GPC3: variants seen among roughly 807,000 people sequenced by gnomAD.
GPC3 encodes the protein glypican-3.
Under a neutral mutation model 34.4 loss-of-function variants are expected in GPC3, and 3 were observed. That is an observed-to-expected ratio of 0.09 (90% CI 0.04 to 0.23). GPC3 has a LOEUF of 0.23. Among genes scored for constraint, GPC3 ranks in the 10% least tolerant of loss-of-function variants. The pLI is 1.00. For synonymous variants in GPC3, 177 were observed against 174.0 expected (o/e 1.02, Z -0.13); for missense variants, 351 against 445.6 (o/e 0.79, Z 1.91).
chrX:133,949,071 A>G (rs1416185634), intron 2 of GPC3, among the ~76,000 whole-genome samples: 2 of 112,267 alleles, frequency 1.8e-5, no homozygotes, highest in African/African-American at 3.2e-5. Context: ...TTTGCAGATA[A>G]GAAAACTGAG....
intron 2 of GPC3, among the ~76,000 whole-genome samples, chrX:133,860,048 C>G (rs1207636181): frequency 3.6e-5 from 4 of 111,150 alleles, no homozygotes; most frequent in African/African-American, 1.3e-4. Context: ...TTGAGGACAG[C>G]ACCAAGCCTG....
intron 3 of GPC3, among the ~76,000 whole-genome samples, chrX:133,715,138 G>T (rs986465955): frequency 1.8e-5 from 2 of 111,979 alleles, no homozygotes; most frequent in Non-Finnish European, 3.8e-5. Flanking sequence ...AATAAAGCAG[G>T]CAGAAGAATG....
At chrX:133,550,009 CTGTT>C (rs2069421456) in intron 7 of GPC3, among the ~76,000 whole-genome samples, 1 of 107,807 alleles carries the variant, frequency 9.3e-6, no homozygotes, top group South Asian at 4.2e-4. Context: ...TTGTATCTTT[CTGTT>C]TGTTTGTTTT....
chrX:133,691,601 TTTCCCTCCCTTTTC>T (rs757327028), intron 5 of GPC3, among the ~76,000 whole-genome samples: 22 of 111,882 alleles, frequency 2.0e-4, no homozygotes, highest in Admixed American at 1.7e-3. Flanking sequence ...GGTATTCCTC[TTTCCCTCCCTTTTC>T]TTCCTTTCTC....
intron 3 of GPC3, among the ~76,000 whole-genome samples, chrX:133,749,895 C>T (rs758262270): frequency 2.7e-5 from 3 of 111,347 alleles, no homozygotes; most frequent in African/African-American, 9.8e-5. Context: ...GACTCCCCCT[C>T]GCCCTCATAA....
Position 133,700,434 on chromosome X carries a change from G to T in GPC3, c.1033-406C>A, listed in dbSNP as rs371309284. On this transcript the variant is annotated intron_variant, in intron 3 of 7. Transcript: ENST00000370818. ...TGGTGCAGAAGATGGGGGTTGTGTA[G>T]TCAGTTAATAGAAGACCAGCCTCCC... Among the ~76,000 whole-genome samples the T allele has an allele frequency of 2.7e-5, 3 of 111,770 alleles. No individual in the cohort carries two copies. In the Admixed American group the frequency reaches 2.9e-4, roughly 11 times the overall value.
chrX:133,843,164 C>A (rs984669472), intron 2 of GPC3, among the ~76,000 whole-genome samples: 1 of 111,486 alleles, frequency 9.0e-6, no homozygotes, highest in Non-Finnish European at 1.9e-5. Flanking sequence ...GCAGCCCCAG[C>A]CAACATTAGA....
chrX:133,637,711 C>G (rs1356697953), intron 6 of GPC3, among the ~76,000 whole-genome samples: 1 of 111,381 alleles, frequency 9.0e-6, no homozygotes, highest in African/African-American at 3.3e-5. Flanking sequence ...GGCTTGATCA[C>G]GGCTCACTGC....
At chrX:133,555,283 T>C (rs1244098418) in intron 7 of GPC3, among the ~76,000 whole-genome samples, 1 of 112,793 alleles carries the variant, frequency 8.9e-6, no homozygotes, top group African/African-American at 3.2e-5. Context: ...CCTACTTCTC[T>C]GATCATTCTC....
chrX:133,739,383 T>G (rs1466537372), intron 3 of GPC3, among the ~76,000 whole-genome samples: 1 of 112,312 alleles, frequency 8.9e-6, no homozygotes, highest in Non-Finnish European at 1.9e-5. Context: ...AAATAGATCA[T>G]GTTACATGTC....
rs191749126 is a variant in GPC3 at position 133,867,621 on chromosome X, C to T, written c.337+85429G>A. Among the ~76,000 whole-genome samples, 554 of 108,905 alleles carry T rather than the reference C, an allele frequency of 5.1e-3. 2 individuals are homozygous for T. Among genetic ancestry groups the T allele is most frequent in the Non-Finnish European group, 8.2e-3 (431 of 52,539 alleles). 94.6% of individuals were successfully genotyped at this position (108,905 alleles called of 115,157 possible). A position where few individuals can be genotyped will look rare whatever the true frequency, so the allele number is the denominator to read the frequency against. On this transcript the variant is annotated intron_variant, in intron 2 of 7. Transcript: ENST00000370818. The stretch of plus-strand genomic sequence containing the variant: ...CAGGGAAATACTGGGTCGGAGAGGC[C>T]GGTTCCCTGGCAAAGGCCCCATCTT...
intron 2 of GPC3, among the ~76,000 whole-genome samples, chrX:133,890,568 A>G (rs2076081990): frequency 9.1e-6 from 1 of 110,296 alleles, no homozygotes; most frequent in Non-Finnish European, 1.9e-5. Flanking sequence ...AAATAAAAAT[A>G]AAAAAAAGGT....
chrX:133,926,805 G>A (rs1209947078), intron 2 of GPC3, among the ~76,000 whole-genome samples: 2 of 49,974 alleles, frequency 4.0e-5, no homozygotes, highest in Middle Eastern at 0.014. Flanking sequence ...CCACCGCCCC[G>A]GCAAATCGGC....
chrX:133,833,429 T>C (rs2075785417), intron 2 of GPC3, among the ~76,000 whole-genome samples: 1 of 111,828 alleles, frequency 8.9e-6, no homozygotes. Flanking sequence ...AGGGAGGGTC[T>C]GATTAAAATC....
chrX:133,827,467 G>A (rs1044184220), intron 2 of GPC3, among the ~76,000 whole-genome samples: 5 of 111,559 alleles, frequency 4.5e-5, no homozygotes, highest in Admixed American at 9.5e-5. Flanking sequence ...TAAAGGAGAG[G>A]GAGTAACCGT....
intron 2 of GPC3, among the ~76,000 whole-genome samples, chrX:133,845,373 T>C (rs2075843268): frequency 8.9e-6 from 1 of 111,753 alleles, no homozygotes; most frequent in Non-Finnish European, 1.9e-5. Flanking sequence ...TGAAAGCTTT[T>C]CTTTCATCAA....
chrX:133,745,287 T>G (rs993338090), intron 3 of GPC3, among the ~76,000 whole-genome samples: 3 of 112,388 alleles, frequency 2.7e-5, no homozygotes, highest in African/African-American at 9.7e-5. Flanking sequence ...CTTTCTGACC[T>G]TTCTGAATAC....
chrX:133,590,664 A>C (rs2069838328), intron 7 of GPC3, among the ~76,000 whole-genome samples: 1 of 112,029 alleles, frequency 8.9e-6, no homozygotes, highest in Non-Finnish European at 1.9e-5. Flanking sequence ...TAATGCAAAA[A>C]TGTGTTGAAG....
intron 7 of GPC3, among the ~76,000 whole-genome samples, chrX:133,551,286 A>G (rs1279526706): frequency 1.8e-5 from 2 of 111,444 alleles, no homozygotes; most frequent in African/African-American, 3.3e-5. Context: ...GTAATAGTAC[A>G]AAGCAGTAAG....
Sources: allele counts gnomAD v4.1 joint callset (sites outside exome capture counted in the v4.1 genomes callset), GRCh38; gene constraint gnomAD v4.1.1; transcripts MANE v1.5; gene names NCBI Gene and HGNC (gene_info 2026-07-23, HGNC 2026-07-21).